Variants in RAPGEF1 observed in about 807,000 individuals in gnomAD.
RAPGEF1 encodes the protein Rap guanine nucleotide exchange factor 1.
Under a neutral mutation model 143.3 loss-of-function variants are expected in RAPGEF1, and 33 were observed. The observed-to-expected ratio is 0.23, with a 90% CI of 0.17 to 0.31. RAPGEF1 has a LOEUF of 0.31. RAPGEF1 is among the 10% of genes least tolerant of loss of function. RAPGEF1 has a pLI of 1.00. For synonymous variants in RAPGEF1, 629 were observed against 676.5 expected, an observed-to-expected ratio of 0.93 and a Z score of 1.09; for missense variants, 1,199 against 1,645.4, an observed-to-expected ratio of 0.73 and a Z score of 4.69.
chr9:131,590,075 G>A (rs1471741223), intron 18 of RAPGEF1, 97 bp from the exon 19 acceptor site: 2 of 1,079,202 alleles, frequency 1.9e-6, no homozygotes, highest in Non-Finnish European at 2.8e-6. Flanking sequence ...CTCACAATGT[G>A]CCCATCTTCC....
At position 131,627,893 on chromosome 9, in the gene RAPGEF1, G is replaced by T; in HGVS notation, c.1201+20C>A. 1 of 1,569,714 alleles carries T rather than the reference G, an allele frequency of 6.4e-7. No homozygotes were observed. Among genetic ancestry groups the T allele is most frequent in the South Asian group, 1.2e-5 (1 of 85,386 alleles). On this transcript the variant is annotated intron_variant, in intron 9 of 26. Coordinates refer to ENST00000683357, the MANE Select transcript of RAPGEF1 (RefSeq NM_001377935.1). Reference sequence around the variant, plus strand: ...GAAGCCACCGAGACACGATGGAACAGGAGGATGGTGGCGGCTCACCTAGTG... The same window carrying T: ...GAAGCCACCGAGACACGATGGAACATGAGGATGGTGGCGGCTCACCTAGTG...
At chr9:131,681,316 C>T (rs1832889756) in intron 1 of RAPGEF1, among the ~76,000 whole-genome samples, 1 of 152,134 alleles carries the variant, frequency 6.6e-6, no homozygotes, top group Non-Finnish European at 1.5e-5. Flanking sequence ...CGAGCGACCA[C>T]TCTTAATTCT....
chr9:131,641,408 C>T lies in RAPGEF1; in HGVS notation c.494+1831G>A, dbSNP rs1564603099. Among the ~76,000 whole-genome samples, 1 of 152,210 alleles carries T rather than the reference C, an allele frequency of 6.6e-6. No individual in the cohort carries two copies. The highest frequency in any genetic ancestry group is 2.4e-5 in the African/African-American group (1 of 41,452). On this transcript the variant is annotated intron_variant, in intron 4 of 26. Transcript: ENST00000683357. This position sits in a 1 kb window ranked among gnomAD's most constrained non-coding sequence, Gnocchi z 4.6. ...CTTTGCTCTTGTTCTCCTGCCCCCA[C>T]TGCCAATCCAACTGCTGCTTTCCCT...
At chr9:131,625,066 G>C (rs4354358) in intron 10 of RAPGEF1, among the ~76,000 whole-genome samples, 4 of 152,376 alleles carry the variant, frequency 2.6e-5, no homozygotes, top group Non-Finnish European at 4.4e-5. Context: ...ATTTGGAGTA[G>C]AGATTCCATT....
chr9:131,601,012 T>C (rs1052011790), intron 15 of RAPGEF1, among the ~76,000 whole-genome samples: 1 of 151,336 alleles, frequency 6.6e-6, no homozygotes, highest in African/African-American at 2.4e-5. Flanking sequence ...AATAAATAAA[T>C]AAATAAAAAC....
intron 1 of RAPGEF1, among the ~76,000 whole-genome samples, chr9:131,692,711 T>C (rs914436324): frequency 6.6e-6 from 1 of 152,206 alleles, no homozygotes; most frequent in Non-Finnish European, 1.5e-5. Flanking sequence ...CCTACCTTTT[T>C]CACTTGGCAG....
At chr9:131,594,961 C>T (rs960708267) in intron 17 of RAPGEF1, among the ~76,000 whole-genome samples, 3 of 152,212 alleles carry the variant, frequency 2.0e-5, no homozygotes, top group African/African-American at 7.2e-5. Flanking sequence ...GTATGGAGCC[C>T]CCTATGTCAG....
chr9:131,599,054 T>A (rs138850389), intron 15 of RAPGEF1, among the ~76,000 whole-genome samples: 3,019 of 151,818 alleles, frequency 0.02, 103 homozygotes, highest in African/African-American at 0.067. Flanking sequence ...CGAACTCCTG[T>A]CCTCGTGATC....
At chr9:131,620,965 C>A (rs1419212581) in intron 11 of RAPGEF1, among the ~76,000 whole-genome samples, 1 of 152,242 alleles carries the variant, frequency 6.6e-6, no homozygotes, top group East Asian at 1.9e-4. Flanking sequence ...CAGCTCTGAA[C>A]AAGCCTGGAG....
intron 19 of RAPGEF1, 50 bp from the exon 20 acceptor site, chr9:131,589,036 C>A (rs923815818): frequency 1.3e-6 from 2 of 1,567,752 alleles, no homozygotes; most frequent in African/African-American, 1.4e-5. Context: ...AAGGCCCAGG[C>A]AGAGTCTGTC....
chr9:131,693,678 C>G (rs1833935065), intron 1 of RAPGEF1, among the ~76,000 whole-genome samples: 1 of 152,162 alleles, frequency 6.6e-6, no homozygotes, highest in Non-Finnish European at 1.5e-5. Context: ...TCTGGAATCA[C>G]AAGTAAAAGC....
rs58209892 is a variant in RAPGEF1 at position 131,695,149 on chromosome 9, A to G, written c.62-44200T>C. Among the ~76,000 whole-genome samples, 6 of 152,278 alleles carry G rather than the reference A, an allele frequency of 3.9e-5. No individual in the cohort carries two copies. In the East Asian group the frequency reaches 9.6e-4, roughly 24 times the overall value. On this transcript the variant is annotated intron_variant, in intron 1 of 26. Transcript: ENST00000683357. ...GCTAAAACAATGCCTGGCATGCAGC[A>G]CATGTCTAATCAATGTTCATTAGAT...
chr9:131,675,778 C>G lies in RAPGEF1; in HGVS notation c.62-24829G>C, dbSNP rs1044176818. ...TTACTGAGCACTTACTATACGCCAG[C>G]CCTGACAGGCAGACATTAATTGCCA... On this transcript the variant is annotated intron_variant, in intron 1 of 26. Coordinates refer to ENST00000683357, the MANE Select transcript of RAPGEF1 (RefSeq NM_001377935.1). This position sits in a 1 kb window ranked among gnomAD's most constrained non-coding sequence, Gnocchi z 4.6. Among the ~76,000 whole-genome samples, 1 of 152,244 alleles carries G rather than the reference C, an allele frequency of 6.6e-6. No homozygotes were observed. The highest frequency in any genetic ancestry group is 1.5e-5 in the Non-Finnish European group (1 of 68,050).
At chr9:131,647,027 A>G (rs1487661265) in intron 3 of RAPGEF1, among the ~76,000 whole-genome samples, 2 of 152,168 alleles carry the variant, frequency 1.3e-5, no homozygotes, top group African/African-American at 4.8e-5. Flanking sequence ...ATGGGGCATT[A>G]ACACCTCCCA....
intron 5 of RAPGEF1, among the ~76,000 whole-genome samples, chr9:131,636,327 A>C (rs913199864): frequency 6.6e-6 from 1 of 152,260 alleles, no homozygotes; most frequent in Non-Finnish European, 1.5e-5. Flanking sequence ...AAAGCTTCTC[A>C]CCTAGAGAAT....
At chr9:131,657,986 G>A (rs1006651857) in intron 1 of RAPGEF1, among the ~76,000 whole-genome samples, 9 of 152,190 alleles carry the variant, frequency 5.9e-5, no homozygotes, top group Non-Finnish European at 1.0e-4. Flanking sequence ...CAGTGATTTC[G>A]TTTTCAATGC....
intron 1 of RAPGEF1, among the ~76,000 whole-genome samples, chr9:131,707,169 C>T (rs576525046): frequency 7.2e-5 from 11 of 152,310 alleles, no homozygotes; most frequent in African/African-American, 2.6e-4. Flanking sequence ...GAGACACCAG[C>T]CCACACGGTG....
chr9:131,637,220 G>A (rs539994695), intron 5 of RAPGEF1, among the ~76,000 whole-genome samples: 1 of 149,054 alleles, frequency 6.7e-6, no homozygotes, highest in South Asian at 2.1e-4. Context: ...GTGACATTCC[G>A]TCTCAGAGAA....
intron 1 of RAPGEF1, among the ~76,000 whole-genome samples, chr9:131,679,679 G>A (rs1832746419): frequency 6.6e-6 from 1 of 152,244 alleles, no homozygotes. Flanking sequence ...AGGCTGCAAT[G>A]AGGGTACTAC....
Sources: allele counts gnomAD v4.1 joint callset (sites outside exome capture counted in the v4.1 genomes callset), GRCh38; gene constraint gnomAD v4.1.1; non-coding constraint Gnocchi (gnomAD v3.1); transcripts MANE v1.5; gene names NCBI Gene and HGNC (gene_info 2026-07-23, HGNC 2026-07-21).